MGAT4A: variants seen among roughly 807,000 people sequenced by gnomAD.
MGAT4A encodes N-acetylglucosaminyltransferase IVa.
In MGAT4A, 33 loss-of-function variants were observed where a neutral mutation model predicts 74.1. The ratio of observed to expected loss-of-function variants is 0.45; its 90% CI spans 0.34 to 0.60. The LOEUF (loss-of-function observed/expected upper bound fraction) is 0.60, where lower values mean the gene tolerates loss of function less well. Among genes scored for constraint, MGAT4A ranks in the 20% least tolerant of loss-of-function variants. The pLI, the probability that MGAT4A is intolerant of heterozygous loss-of-function variation, is 0.02. For synonymous variants in MGAT4A, 198 were observed against 210.4 expected (o/e 0.94, Z 0.51); for missense variants, 479 against 628.3 (o/e 0.76, Z 2.54).
chr2:98,702,284 G>T (rs868188611), intron 2 of MGAT4A, among the ~76,000 whole-genome samples: 80 of 152,312 alleles, frequency 5.3e-4, no homozygotes, highest in African/African-American at 1.9e-3. Flanking sequence ...CATTGGATTT[G>T]CAGTGTTGTC....
intron 2 of MGAT4A, among the ~76,000 whole-genome samples, chr2:98,721,425 A>G (rs920335697): frequency 3.3e-5 from 5 of 152,206 alleles, no homozygotes; most frequent in Non-Finnish European, 7.3e-5. Flanking sequence ...TAAAAAGTCA[A>G]TGGTATAAAA....
At chr2:98,669,102 C>G (rs1156837049) in intron 4 of MGAT4A, among the ~76,000 whole-genome samples, 1 of 152,102 alleles carries the variant, frequency 6.6e-6, no homozygotes, top group Non-Finnish European at 1.5e-5. Flanking sequence ...CTTCAGGGGA[C>G]TGTTGGGAAG....
intron 12 of MGAT4A, among the ~76,000 whole-genome samples, chr2:98,637,818 C>A (rs916669650): frequency 6.6e-6 from 1 of 152,202 alleles, no homozygotes; most frequent in Non-Finnish European, 1.5e-5. Flanking sequence ...CTGCTCCAAT[C>A]AGTTCAGGAG....
chr2:98,630,324 C>T (rs1701212044), intron 14 of MGAT4A, among the ~76,000 whole-genome samples: 1 of 152,120 alleles, frequency 6.6e-6, no homozygotes, highest in Non-Finnish European at 1.5e-5. Context: ...GGGGAAGAAA[C>T]CAAACTGTAG....
intron 5 of MGAT4A, among the ~76,000 whole-genome samples, chr2:98,661,365 A>G (rs2104268863): frequency 6.6e-6 from 1 of 152,318 alleles, no homozygotes; most frequent in South Asian, 2.1e-4. Flanking sequence ...AGCTCTGAGT[A>G]TAGGTTGGTA....
Position 98,678,375 on chromosome 2 carries a change from G to A in MGAT4A, c.191C>T (p.Thr64Met), listed in dbSNP as rs187651733. 1,447 of 1,581,686 alleles carry A rather than the reference G, an allele frequency of 9.1e-4. 4 individuals are homozygous for A. The highest frequency in any genetic ancestry group is 6.8e-4 in the Non-Finnish European group (786 of 1,159,162). The stretch of plus-strand genomic sequence containing the variant: ...TACACGCTTGAACTGTTGCACAATC[G>A]TATTTAATTCAGAAGAGCGCTGTGA... ...RISQRSSELN[T>M]IVQQFKRVGA... is the part of the protein sequence containing the mutation. Residue 64 changes from threonine (T) to methionine (M), a missense_variant, in exon 3 of 16, where the codon ACG becomes ATG. Transcript: ENST00000393487.
At chr2:98,669,922 T>C (rs576746773) in intron 4 of MGAT4A, among the ~76,000 whole-genome samples, 14 of 152,296 alleles carry the variant, frequency 9.2e-5, no homozygotes, top group Middle Eastern at 3.4e-3. Flanking sequence ...ACATTCAAGA[T>C]GGCAACTGCT....
At chr2:98,718,537 T>C (rs1315207632) in intron 2 of MGAT4A, among the ~76,000 whole-genome samples, 2 of 152,146 alleles carry the variant, frequency 1.3e-5, no homozygotes, top group African/African-American at 4.8e-5. Flanking sequence ...CCCCCCTCTT[T>C]TCTCCCCAAC....
chr2:98,705,625 T>G (rs893418741), intron 2 of MGAT4A, among the ~76,000 whole-genome samples: 1 of 152,156 alleles, frequency 6.6e-6, no homozygotes, highest in Non-Finnish European at 1.5e-5. Flanking sequence ...ATTAGGTGAT[T>G]GTGGAGTAGT....
intron 2 of MGAT4A, among the ~76,000 whole-genome samples, chr2:98,692,169 A>ACCACAGC (rs1702205355): frequency 6.6e-6 from 1 of 152,194 alleles, no homozygotes; most frequent in African/African-American, 2.4e-5. Flanking sequence ...ATCAAGGCTC[A>ACCACAGC]CCACAGCCTC....
At position 98,640,191 on chromosome 2, in the gene MGAT4A, C is replaced by T. The variant is rs905752978; in HGVS notation, c.1058G>A (p.Arg353His). ...CDRQKANLRI[R>H]FRPSLFQHVG... ...ATGTTGGAAAAGGGAAGGTCTGAAG[C>T]GAATTCGCAGATTTGCTTTCTGTCT... is the stretch of plus-strand genomic sequence containing the variant. Residue 353 changes from arginine to histidine, a missense_variant, in exon 11 of 16, where the codon CGC becomes CAC. Arg to His is a conservative substitution (Grantham distance 29, BLOSUM62 0). Transcript: ENST00000393487. 8.1e-6 allele frequency: 13 copies of T among 1,613,682 alleles called. No individual in the cohort carries two copies. Among genetic ancestry groups the T allele is most frequent in the Admixed American group, 3.3e-5 (2 of 59,966 alleles).
At chr2:98,646,478 T>C (rs1462795225) in intron 8 of MGAT4A, among the ~76,000 whole-genome samples, 4 of 152,058 alleles carry the variant, frequency 2.6e-5, no homozygotes, top group South Asian at 2.1e-4. Flanking sequence ...CCCAAGCAGG[T>C]AGATGGCTTG....
At chr2:98,663,592 T>A in intron 4 of MGAT4A, 1 of 613,720 alleles carries the variant, frequency 1.6e-6, no homozygotes, top group Non-Finnish European at 2.4e-6. Context: ...CAACAATGCA[T>A]AACCTCAACT....
intron 3 of MGAT4A, among the ~76,000 whole-genome samples, chr2:98,676,391 C>T (rs989942217): frequency 2.0e-5 from 3 of 152,096 alleles, no homozygotes; most frequent in African/African-American, 7.2e-5. Flanking sequence ...CATTTCTGTC[C>T]TATTACTCAG....
At chr2:98,663,290 A>G (rs2104271664) in intron 4 of MGAT4A, 111 bp from the exon 5 acceptor site, 1 of 1,527,980 alleles carries the variant, frequency 6.5e-7, no homozygotes, top group Middle Eastern at 1.7e-4. Context: ...TAACTGATGG[A>G]TCAAAATATA....
chr2:98,656,454 T>C lies in MGAT4A; in HGVS notation c.596A>G (p.Glu199Gly). 1 of 1,597,122 alleles carries C rather than the reference T, an allele frequency of 6.3e-7. No homozygotes were observed. ...VANLEKEFSK[E>G]ISSGLVEVIS... Reference sequence around the variant, plus strand: ...GACTTCCACCAAGCCAGAACTGATTTCTTTAGAAAATCTATTATGAGAAAG... The same window carrying C: ...GACTTCCACCAAGCCAGAACTGATTCCTTTAGAAAATCTATTATGAGAAAG... Residue 199 changes from glutamate (E) to glycine (G), a missense_variant, in exon 7 of 16, where the codon GAA (glutamate) becomes GGA (glycine). Physicochemically the swap from Glu to Gly is moderately conservative, Grantham distance 98. This residue lies in a region of MGAT4A where 205 missense variants were observed against 232.7 expected (regional missense o/e 0.88). Transcript: ENST00000393487.
chr2:98,714,092 A>AT (rs1053300188), intron 2 of MGAT4A, among the ~76,000 whole-genome samples: 6 of 151,468 alleles, frequency 4.0e-5, no homozygotes, highest in South Asian at 2.1e-4. Context: ...TAAGAGCCAT[A>AT]TTTTTTTTTC....
chr2:98,720,530 C>A (rs1210990790), intron 2 of MGAT4A, among the ~76,000 whole-genome samples: 3 of 152,210 alleles, frequency 2.0e-5, no homozygotes, highest in Non-Finnish European at 4.4e-5. Context: ...GGTTCTCCAG[C>A]TTGCAGGCGG....
intron 5 of MGAT4A, among the ~76,000 whole-genome samples, chr2:98,660,015 A>T (rs1393739769): frequency 1.9e-5 from 1 of 53,032 alleles, no homozygotes; most frequent in African/African-American, 2.3e-4. Context: ...AAACCATCAA[A>T]TTATAAAAAG....
Sources: allele counts gnomAD v4.1 joint callset (sites outside exome capture counted in the v4.1 genomes callset), GRCh38; gene constraint gnomAD v4.1.1; regional missense constraint gnomAD v4.1.1; transcripts MANE v1.5; gene names NCBI Gene and HGNC (gene_info 2026-07-23, HGNC 2026-07-21).